RNF141: variants seen among roughly 807,000 people sequenced by gnomAD.
RNF141 encodes C3HC4-like zinc finger protein.
Under a neutral mutation model 27.4 loss-of-function variants are expected in RNF141, and 18 were observed. The observed-to-expected ratio is 0.66, with a 90% CI of 0.45 to 0.97. The LOEUF is 0.97. RNF141 is among the 50% of genes least tolerant of loss of function. RNF141 has a pLI of 0.00. For missense variants in RNF141, 230 were observed against 279.4 expected (o/e 0.82, Z 1.26); for synonymous variants, 97 against 96.6 (o/e 1.00, Z -0.02).
Position 10,519,046 on chromosome 11 carries a change from C to T in RNF141, c.530G>A (p.Cys177Tyr). The T allele has an allele frequency of 1.9e-6, 3 of 1,613,648 alleles. No individual in the cohort carries two copies. The South Asian group carries it at 3.3e-5, about 18-fold the overall frequency. ...GTAGGTAACTTACCATTTATCAATA[C>T]ACTTCTGACAAAAGCTGTGAGCACA... is the stretch of plus-strand genomic sequence containing the variant. The part of the protein sequence containing the change: ...LPCAHSFCQK[C>Y]IDKWSDRHRN... The change falls in exon 5 of 6, where the codon TGT becomes TAT. Residue 177 changes from cysteine (C) to tyrosine (Y), a missense_variant. Transcript: ENST00000265981.
rs1849978393 is a variant in RNF141 at position 10,530,705 on chromosome 11, C to T, written c.190G>A (p.Val64Ile). ...GCAGAGGAATCAGACCCAGGTTGTA[C>T]CTCAAAGAGAAGATGTTTTTCCTGG... Reference protein sequence around the residue: ...SGQEKHLLFEVQPGSDSSAFW... With the variant: ...SGQEKHLLFEIQPGSDSSAFW... Residue 64 changes from valine (V) to isoleucine (I), a missense_variant, in exon 3 of 6, where the codon GTA becomes ATA. Physicochemically the swap from Val to Ile is conservative, Grantham distance 29. Transcript: ENST00000265981. 6 of 1,610,732 alleles carry T rather than the reference C, an allele frequency of 3.7e-6. No homozygotes were observed. The highest frequency in any genetic ancestry group is 5.1e-6 in the Non-Finnish European group (6 of 1,178,048).
At position 10,514,686 on chromosome 11, in the gene RNF141, C is replaced by G; in HGVS notation, c.*230G>C. 1 of 400,756 alleles carries G rather than the reference C, an allele frequency of 2.5e-6. No homozygotes were observed. Among genetic ancestry groups the G allele is most frequent in the Non-Finnish European group, 4.4e-6 (1 of 228,428 alleles). The allele number at this position is 400,756 out of a possible 1,614,324, so 24.8% of individuals were successfully genotyped here. ...TTAGTTGTAATAATACAAATTTGAA[C>G]AGATAAATAATAGGAAAATATGGTC... On this transcript the variant is annotated 3_prime_UTR_variant, in exon 6 of 6. Transcript: ENST00000265981.
chr11:10,519,349 TAAAG>T (rs1354689631), intron 4 of RNF141, among the ~76,000 whole-genome samples: 6 of 152,074 alleles, frequency 3.9e-5, no homozygotes, highest in Non-Finnish European at 7.4e-5. Flanking sequence ...CTACATTTCA[TAAAG>T]AAAGACTAGA....
intron 2 of RNF141, 98 bp downstream of exon 2, chr11:10,533,918 T>G: frequency 5.5e-6 from 6 of 1,091,482 alleles, no homozygotes; most frequent in Non-Finnish European, 7.9e-6. Flanking sequence ...CATTAAGTCT[T>G]ACCAATCAAC....
At chr11:10,527,252 C>G (rs1223725663) in intron 3 of RNF141, among the ~76,000 whole-genome samples, 2 of 152,108 alleles carry the variant, frequency 1.3e-5, no homozygotes, top group African/African-American at 4.8e-5. Context: ...GTAGGAGAGA[C>G]AGGCAAATAA....
In RNF141 at chr11:10,519,116, C is replaced by G. The variant is rs377654959; in HGVS notation, c.460G>C (p.Glu154Gln). 6.2e-7 allele frequency: 1 copy of G among 1,613,832 alleles called. No homozygotes were observed. The highest frequency in any genetic ancestry group is 8.5e-7 in the Non-Finnish European group (1 of 1,179,912). The change falls in exon 5 of 6, where the codon GAG becomes CAG. Residue 154 changes from glutamate to glutamine, a missense_variant. Coordinates refer to ENST00000265981, the MANE Select transcript of RNF141 (RefSeq NM_016422.4). The part of the protein sequence containing the change: ...GRVKQLTDEE[E>Q]CCICMDGRAD... The stretch of plus-strand genomic sequence containing the variant: ...CGCCCATCCATACAGATACAACACT[C>G]CTCCTCATCGGTCAGCTGCTTCACC...
At chr11:10,536,705 C>T (rs1850040119) in intron 1 of RNF141, among the ~76,000 whole-genome samples, 1 of 152,182 alleles carries the variant, frequency 6.6e-6, no homozygotes, top group South Asian at 2.1e-4. Flanking sequence ...CTCAAGCAAT[C>T]CTCCCGCCTC....
chr11:10,538,886 G>C (rs1459235508), intron 1 of RNF141, among the ~76,000 whole-genome samples: 1 of 152,174 alleles, frequency 6.6e-6, no homozygotes, highest in East Asian at 1.9e-4. Context: ...CCATGCAACA[G>C]TGGTATTGCA....
intron 1 of RNF141, 70 bp from the exon 2 acceptor site, chr11:10,534,275 CAT>C: frequency 8.8e-7 from 1 of 1,140,686 alleles, no homozygotes; most frequent in Non-Finnish European, 1.2e-6. Context: ...TCTTCAAAAA[CAT>C]AAAGAAAAAC....
intron 4 of RNF141, among the ~76,000 whole-genome samples, chr11:10,521,495 T>TA (rs1405998028): frequency 6.6e-6 from 1 of 152,244 alleles, no homozygotes; most frequent in Non-Finnish European, 1.5e-5. Context: ...GTACAGCCAC[T>TA]AGACTATAAA....
Position 10,530,709 on chromosome 11 carries a change from A to G in RNF141, c.186T>C (p.Phe62=). Residue 62 remains phenylalanine (F), a synonymous_variant, in exon 3 of 6, where the codon TTT becomes TTC. Coordinates refer to ENST00000265981, the MANE Select transcript of RNF141 (RefSeq NM_016422.4). The stretch of plus-strand genomic sequence containing the variant: ...AGGAATCAGACCCAGGTTGTACCTC[A>G]AAGAGAAGATGTTTTTCCTGGCCAG... ...VASGQEKHLL[F]EVQPGSDSSA... 6.2e-7 allele frequency: 1 copy of G among 1,610,300 alleles called. No individual in the cohort carries two copies. Among genetic ancestry groups the G allele is most frequent in the Non-Finnish European group, 8.5e-7 (1 of 1,177,760 alleles).
At chr11:10,517,248 T>C (rs1159906095) in intron 5 of RNF141, 1 of 151,944 alleles carries the variant, frequency 6.6e-6, no homozygotes, top group Non-Finnish European at 1.5e-5. Context: ...ATACACTGGA[T>C]AGAATTAATG....
intron 4 of RNF141, 37 bp downstream of exon 4, chr11:10,525,155 G>A (rs1285757380): frequency 1.4e-6 from 2 of 1,413,308 alleles, no homozygotes; most frequent in East Asian, 2.4e-5. Context: ...TTTCATATTA[G>A]AAAATAAGTG....
At chr11:10,523,712 C>T (rs1273329045) in intron 4 of RNF141, among the ~76,000 whole-genome samples, 1 of 150,214 alleles carries the variant, frequency 6.7e-6, no homozygotes, top group Non-Finnish European at 1.5e-5. Context: ...AGGGATAACA[C>T]CTTTACCTTC....
chr11:10,529,268 C>T (rs1281614317), intron 3 of RNF141, among the ~76,000 whole-genome samples: 1 of 152,190 alleles, frequency 6.6e-6, no homozygotes, highest in Non-Finnish European at 1.5e-5. Context: ...TCAGAAGTGA[C>T]ATCTGCTGGG....
At chr11:10,540,274 A>G (rs1850084073) in intron 1 of RNF141, among the ~76,000 whole-genome samples, 1 of 152,204 alleles carries the variant, frequency 6.6e-6, no homozygotes. Flanking sequence ...CAGCAGCTTT[A>G]TATATATGCC....
At chr11:10,529,651 GT>G (rs1456402883) in intron 3 of RNF141, among the ~76,000 whole-genome samples, 2 of 152,186 alleles carry the variant, frequency 1.3e-5, no homozygotes, top group East Asian at 3.8e-4. Flanking sequence ...CTTTAGAAAG[GT>G]TAATCTCACA....
Position 10,515,139 on chromosome 11 carries a change from A to G in RNF141, c.543-73T>C, listed in dbSNP as rs1403943818. The G allele has an allele frequency of 6.2e-6, 9 of 1,462,692 alleles. No homozygotes were observed. The East Asian group carries it at 1.7e-4, about 28-fold the overall frequency. The allele number at this position is 1,462,692 out of a possible 1,614,324, so 90.6% of individuals were successfully genotyped here. On this transcript the variant is annotated intron_variant, in intron 5 of 5. Transcript: ENST00000265981. Reference sequence around the variant, plus strand: ...AACAGGATTTTATTTAAAGTAATACATGCACATGGCTTTTAAAAAGGAAAT... The same window carrying G: ...AACAGGATTTTATTTAAAGTAATACGTGCACATGGCTTTTAAAAAGGAAAT...
chr11:10,530,660 G>C lies in RNF141; in HGVS notation c.235C>G (p.Arg79Gly), dbSNP rs757468754. ...AGTCTCACCTTGGTACAGACCACCC[G>C]TACAACCACTTTCCAAAAAGCAGAG... ...DSSAFWKVVV[R>G]VVCTKINKSS... Residue 79 changes from arginine (R) to glycine (G), a missense_variant, in exon 3 of 6, where the codon CGG becomes GGG. Transcript: ENST00000265981. The C allele has an allele frequency of 6.2e-7, 1 of 1,608,036 alleles. No individual in the cohort carries two copies. The highest frequency in any genetic ancestry group is 8.5e-7 in the Non-Finnish European group (1 of 1,175,898).
Sources: allele counts gnomAD v4.1 joint callset (sites outside exome capture counted in the v4.1 genomes callset), GRCh38; gene constraint gnomAD v4.1.1; transcripts MANE v1.5; gene names NCBI Gene and HGNC (gene_info 2026-07-23, HGNC 2026-07-21).